EYA1: variants seen among roughly 807,000 people sequenced by gnomAD.
EYA1 encodes the protein EYA transcriptional coactivator and phosphatase 1.
EYA1 carries 16 observed loss-of-function variants against 82.0 expected under a neutral mutation model. That is an observed-to-expected ratio of 0.20 (90% CI 0.13 to 0.30). The LOEUF is 0.30. Among genes scored for constraint, EYA1 ranks in the 10% least tolerant of loss-of-function variants. EYA1 has a pLI of 1.00. For synonymous variants in EYA1, 261 were observed against 264.4 expected, an observed-to-expected ratio of 0.99 and a Z score of 0.12; for missense variants, 633 against 730.7, an observed-to-expected ratio of 0.87 and a Z score of 1.54.
chr8:71,485,205 T>C (rs1409041093), intron 2 of EYA1, among the ~76,000 whole-genome samples: 1 of 152,206 alleles, frequency 6.6e-6, no homozygotes, highest in African/African-American at 2.4e-5. Flanking sequence ...TAAAGTGTCA[T>C]GATCAGATGT....
chr8:71,459,138 T>A (rs996835669), intron 2 of EYA1, among the ~76,000 whole-genome samples: 10 of 152,210 alleles, frequency 6.6e-5, no homozygotes, highest in Non-Finnish European at 1.2e-4. Flanking sequence ...TTCTCTGACA[T>A]AACCTTGGAC....
intron 1 of EYA1, among the ~76,000 whole-genome samples, chr8:71,357,043 T>G (rs1563526627): frequency 1.3e-5 from 2 of 152,220 alleles, no homozygotes; most frequent in African/African-American, 4.8e-5. Context: ...CTATTTGTCA[T>G]TTAACATTCA....
intron 11 of EYA1, among the ~76,000 whole-genome samples, chr8:71,249,387 A>C (rs1813479813): frequency 2.0e-5 from 3 of 151,200 alleles, no homozygotes; most frequent in Admixed American, 1.3e-4. Context: ...ACAATCATGG[A>C]GGAAGGGGAA....
chr8:71,395,727 A>T (rs917161078), intron 2 of EYA1, among the ~76,000 whole-genome samples: 2 of 152,146 alleles, frequency 1.3e-5, no homozygotes, highest in African/African-American at 2.4e-5. Context: ...ATCGATGTTC[A>T]TCAGGGATAT....
At chr8:71,353,790 G>C (rs540812705) in intron 3 of EYA1, among the ~76,000 whole-genome samples, 1 of 152,214 alleles carries the variant, frequency 6.6e-6, no homozygotes, top group South Asian at 2.1e-4. Flanking sequence ...GATCACCATA[G>C]TGACTGGGAA....
chr8:71,494,788 C>A (rs1811289415), intron 2 of EYA1, among the ~76,000 whole-genome samples: 1 of 151,956 alleles, frequency 6.6e-6, no homozygotes, highest in South Asian at 2.1e-4. Context: ...AAGGAAAATA[C>A]CCTGTAAATA....
intron 11 of EYA1, among the ~76,000 whole-genome samples, chr8:71,254,085 T>A (rs1814080217): frequency 6.6e-6 from 1 of 151,926 alleles, no homozygotes; most frequent in African/African-American, 2.4e-5. Flanking sequence ...GTTTTCTTCT[T>A]CTTAGTCAAC....
Position 71,317,536 on chromosome 8 carries a change from A to G in EYA1, c.556+16T>C, listed in dbSNP as rs777818655. On this transcript the variant is annotated intron_variant, in intron 7 of 17. Transcript: ENST00000340726. ...ACCTACAGGGTTAAGGAAAATAGCA[A>G]TGTGTATATACAGACCTTGCATCTG... is the stretch of plus-strand genomic sequence containing the variant. The G allele has an allele frequency of 1.9e-6, 3 of 1,613,668 alleles. No individual in the cohort carries two copies. The highest frequency in any genetic ancestry group is 1.7e-6 in the Non-Finnish European group (2 of 1,179,734).
intron 2 of EYA1, among the ~76,000 whole-genome samples, chr8:71,406,755 G>A (rs1346412603): frequency 6.6e-6 from 1 of 150,766 alleles, no homozygotes; most frequent in African/African-American, 2.4e-5. Flanking sequence ...TGCTAGCACA[G>A]CAGTCTGAGA....
chr8:71,250,252 T>C (rs535597240), intron 11 of EYA1, among the ~76,000 whole-genome samples: 45 of 152,356 alleles, frequency 3.0e-4, no homozygotes, highest in African/African-American at 1.1e-3. Flanking sequence ...AACTGTTGTC[T>C]TGATCATGAA....
At chr8:71,504,049 T>C (rs1812009809) in intron 2 of EYA1, among the ~76,000 whole-genome samples, 1 of 152,212 alleles carries the variant, frequency 6.6e-6, no homozygotes, top group South Asian at 2.1e-4. Flanking sequence ...TGTACATAAA[T>C]GTTTTATTTA....
chr8:71,475,081 G>A (rs1030711643), intron 2 of EYA1, among the ~76,000 whole-genome samples: 11 of 152,044 alleles, frequency 7.2e-5, no homozygotes, highest in Non-Finnish European at 8.8e-5. Flanking sequence ...TCAGTGAGCC[G>A]AGATCATACA....
intron 2 of EYA1, among the ~76,000 whole-genome samples, chr8:71,501,759 T>C (rs1211653760): frequency 1.3e-5 from 2 of 152,194 alleles, no homozygotes. Flanking sequence ...GAGCTCCATA[T>C]GGTTTAAAAA....
chr8:71,218,830 G>C (rs558601853), intron 12 of EYA1, among the ~76,000 whole-genome samples: 115 of 151,980 alleles, frequency 7.6e-4, no homozygotes, highest in African/African-American at 2.7e-3. Flanking sequence ...CGTTGGGGGT[G>C]GGGGGAGAGG....
In EYA1 at chr8:71,389,114, G is replaced by T. The variant is rs562443582; in HGVS notation, c.34-32603C>A. Among the ~76,000 whole-genome samples the T allele has an allele frequency of 1.2e-4, 18 of 151,930 alleles. No homozygotes were observed. In the South Asian group the frequency reaches 3.5e-3, roughly 30 times the overall value. On this transcript the variant is annotated intron_variant, in intron 2 of 18. Coordinates refer to the EYA1 transcript ENST00000643681. ...ACACAGGCAGAGAGAGAGGGAGAAAGAAAAGAAACAACAAGGTTTCTGCCA... is the reference window on the plus strand; with the variant it reads ...ACACAGGCAGAGAGAGAGGGAGAAATAAAAGAAACAACAAGGTTTCTGCCA...
At chr8:71,377,632 T>A (rs1282614418) in intron 2 of EYA1, among the ~76,000 whole-genome samples, 1 of 152,220 alleles carries the variant, frequency 6.6e-6, no homozygotes, top group Non-Finnish European at 1.5e-5. Context: ...AGCATGCAGC[T>A]CTGTGTCATG....
chr8:71,315,540 G>A (rs943911770), intron 7 of EYA1, among the ~76,000 whole-genome samples: 4 of 152,174 alleles, frequency 2.6e-5, no homozygotes, highest in East Asian at 1.9e-4. Context: ...GATGTCTCCC[G>A]GAGGAATCTG....
At chr8:71,252,984 G>C (rs1813934858) in intron 11 of EYA1, among the ~76,000 whole-genome samples, 1 of 152,134 alleles carries the variant, frequency 6.6e-6, no homozygotes, top group South Asian at 2.1e-4. Flanking sequence ...ACAAATGTAT[G>C]CCAGTAATAC....
rs760976972 is a variant in EYA1, at chr8:71,299,750, T to C, written c.557-30A>G. On this transcript the variant is annotated intron_variant, in intron 7 of 17. Transcript: ENST00000340726. The stretch of plus-strand genomic sequence containing the variant: ...AACAAAATGAAAAGAAATACGATTA[T>C]ACCAGGCTTGTGGAATAATGTGGGT... 11 of 1,151,796 alleles carry C rather than the reference T, an allele frequency of 9.6e-6. No individual in the cohort carries two copies. The South Asian group carries it at 1.2e-4, about 13-fold the overall frequency. The allele number at this position is 1,151,796 out of a possible 1,614,324, so 71.3% of individuals were successfully genotyped here.
Sources: gnomAD v4.1 joint callset for allele counts (sites outside exome capture counted in the v4.1 genomes callset) on GRCh38, gnomAD v4.1.1 for gene constraint, MANE v1.5 for transcripts, NCBI Gene and HGNC (gene_info 2026-07-23, HGNC 2026-07-21) for gene names.